The following GRIN3A variants were observed in gnomAD, a reference collection of about 807,000 sequenced individuals.
GRIN3A encodes the protein glutamate receptor ionotropic, NMDA 3A.
GRIN3A carries 47 observed loss-of-function variants against 92.4 expected under a neutral mutation model. The observed-to-expected ratio is 0.51, with a 90% confidence interval of 0.40 to 0.65. The LOEUF is 0.65. Ranked by LOEUF, GRIN3A falls within the 30% of genes least tolerant of loss-of-function variation. The pLI is 0.00. For synonymous variants in GRIN3A, 527 were observed against 540.6 expected (o/e 0.97, Z 0.35); for missense variants, 1,324 against 1,393.1 (o/e 0.95, Z 0.79).
intron 3 of GRIN3A, among the ~76,000 whole-genome samples, chr9:101,657,379 C>T (rs961924481): frequency 4.6e-5 from 7 of 151,986 alleles, no homozygotes; most frequent in South Asian, 2.1e-4. Context: ...TACCATATTC[C>T]GATGAAGAAA....
chr9:101,641,793 A>T (rs1052040754), intron 3 of GRIN3A, among the ~76,000 whole-genome samples: 75 of 120,242 alleles, frequency 6.2e-4, no homozygotes, highest in Admixed American at 5.0e-3. Context: ...CAATAAAATT[A>T]AAAAAAAAAA....
At chr9:101,631,649 C>G (rs552972706) in intron 3 of GRIN3A, among the ~76,000 whole-genome samples, 1 of 152,144 alleles carries the variant, frequency 6.6e-6, no homozygotes, top group Non-Finnish European at 1.5e-5. Context: ...CTTTGCATGA[C>G]TTTCTGTTGT....
intron 3 of GRIN3A, among the ~76,000 whole-genome samples, chr9:101,658,296 AAT>A (rs1491297868): frequency 0.33 from 50,742 of 151,508 alleles, 9,288 homozygotes; most frequent in Non-Finnish European, 0.41. Flanking sequence ...AATACATGTT[AAT>A]ATTATTATTT....
chr9:101,623,157 T>G (rs1431063568), intron 5 of GRIN3A, among the ~76,000 whole-genome samples, 161 bp downstream of exon 5: 3 of 152,302 alleles, frequency 2.0e-5, no homozygotes, highest in Admixed American at 6.5e-5. Flanking sequence ...AAAAATAAAT[T>G]CCTAACTTCA....
chr9:101,733,335 A>G (rs980719607), intron 1 of GRIN3A, among the ~76,000 whole-genome samples: 2 of 152,254 alleles, frequency 1.3e-5, no homozygotes, highest in Non-Finnish European at 2.9e-5. Flanking sequence ...TACATATTGT[A>G]AGTAAATAAC....
intron 3 of GRIN3A, among the ~76,000 whole-genome samples, chr9:101,659,134 T>C (rs1055321289): frequency 6.6e-6 from 1 of 151,888 alleles, no homozygotes; most frequent in African/African-American, 2.4e-5. Flanking sequence ...AAAATAAGAT[T>C]CTTCACAGAG....
At chr9:101,633,561 T>C (rs1828740997) in intron 3 of GRIN3A, among the ~76,000 whole-genome samples, 1 of 152,156 alleles carries the variant, frequency 6.6e-6, no homozygotes. Flanking sequence ...GACACAGCCA[T>C]GGGCAAGTGA....
chr9:101,684,315 T>C (rs1382867040), intron 2 of GRIN3A, among the ~76,000 whole-genome samples: 1 of 146,118 alleles, frequency 6.8e-6, no homozygotes, highest in Admixed American at 6.9e-5. Flanking sequence ...GGTTTCACCA[T>C]ATTGGCCAGG....
intron 6 of GRIN3A, among the ~76,000 whole-genome samples, chr9:101,606,414 C>T (rs898660177): frequency 2.6e-5 from 4 of 152,140 alleles, no homozygotes; most frequent in Middle Eastern, 3.2e-3. Context: ...AGGTCACTGT[C>T]GGATGGCTGT....
chr9:101,677,022 T>C (rs1285248952), intron 2 of GRIN3A, among the ~76,000 whole-genome samples: 1 of 151,776 alleles, frequency 6.6e-6, no homozygotes, highest in Non-Finnish European at 1.5e-5. Flanking sequence ...ACTTATGTAG[T>C]CTTTTTTTTT....
chr9:101,650,128 C>T (rs1410167318), intron 3 of GRIN3A, among the ~76,000 whole-genome samples: 1 of 152,090 alleles, frequency 6.6e-6, no homozygotes, highest in Non-Finnish European at 1.5e-5. Context: ...AACACCTATA[C>T]ATTTCCTCCC....
At chr9:101,715,776 A>G (rs575705697) in intron 1 of GRIN3A, among the ~76,000 whole-genome samples, 37 of 152,290 alleles carry the variant, frequency 2.4e-4, no homozygotes, top group African/African-American at 8.9e-4. Flanking sequence ...TATGAGCAAA[A>G]CAGTGTAATA....
At chr9:101,629,834 G>A (rs1828688750) in intron 3 of GRIN3A, among the ~76,000 whole-genome samples, 1 of 152,106 alleles carries the variant, frequency 6.6e-6, no homozygotes, top group Non-Finnish European at 1.5e-5. Flanking sequence ...TGAAGTAATG[G>A]GCATAAGGTC....
chr9:101,594,969 C>T lies in GRIN3A; in HGVS notation c.2767-15609G>A, dbSNP rs562637941. On this transcript the variant is annotated intron_variant, in intron 6 of 8. Coordinates refer to ENST00000361820, the MANE Select transcript of GRIN3A (RefSeq NM_133445.3). ...CGGCTCAAAGGGTCGGAGAGGGGAG[C>T]AGGGGCGGTGAGCTCGGGCGGGGCT... 6.4e-5 allele frequency: 101 copies of T among 1,569,650 alleles called. No individual in the cohort carries two copies. The South Asian group carries it at 1.1e-3, about 18-fold the overall frequency.
intron 6 of GRIN3A, chr9:101,601,024 A>G (rs1406337036): frequency 6.6e-6 from 1 of 152,226 alleles, no homozygotes; most frequent in Non-Finnish European, 1.5e-5. Flanking sequence ...GAGGTAAGGG[A>G]AAAGAACTAT....
intron 6 of GRIN3A, among the ~76,000 whole-genome samples, chr9:101,582,648 A>C (rs181211781): frequency 6.6e-6 from 1 of 152,204 alleles, no homozygotes; most frequent in Non-Finnish European, 1.5e-5. Flanking sequence ...TGTGTACAGG[A>C]TATGGCTATA....
At chr9:101,682,974 T>G (rs985379152) in intron 2 of GRIN3A, among the ~76,000 whole-genome samples, 1 of 152,180 alleles carries the variant, frequency 6.6e-6, no homozygotes, top group Non-Finnish European at 1.5e-5. Flanking sequence ...AGAGAAAGAC[T>G]CCGTCTCAAA....
chr9:101,572,003 G>C lies in GRIN3A; in HGVS notation c.*1171C>G, dbSNP rs1827767039. 2 of 152,238 alleles carry C rather than the reference G, an allele frequency of 1.3e-5. No homozygotes were observed. The highest frequency in any genetic ancestry group is 4.8e-5 in the African/African-American group (2 of 41,436). The allele number at this position is 152,238 out of a possible 1,614,324, so 9.4% of individuals were successfully genotyped here. On this transcript the variant is annotated 3_prime_UTR_variant, in exon 9 of 9. Transcript: ENST00000361820. ...GGGAGGTTACTTGTATCAGTCTTTG[G>C]GGGGCATTAGATGAGGCTGGAGGAT...
In GRIN3A at chr9:101,597,847, G is replaced by C. The variant is rs559000680; in HGVS notation, c.2766+15529C>G. Among the ~76,000 whole-genome samples the C allele has an allele frequency of 3.9e-5, 6 of 152,226 alleles. No individual in the cohort carries two copies. In the East Asian group the frequency reaches 7.7e-4, roughly 20 times the overall value. ...TATATATATGATAAAGGAATACCAG[G>C]TCATTCTGGGTTTGCAATATGACAT... On this transcript the variant is annotated intron_variant, in intron 6 of 8. Transcript: ENST00000361820.
Sources: gnomAD v4.1 joint callset for allele counts (sites outside exome capture counted in the v4.1 genomes callset) on GRCh38, gnomAD v4.1.1 for gene constraint, MANE v1.5 for transcripts, NCBI Gene and HGNC (gene_info 2026-07-23, HGNC 2026-07-21) for gene names.